The following IGSF11 variants were observed in gnomAD, a reference collection of about 807,000 sequenced individuals.
The protein encoded by IGSF11 is CXADR like 1.
A neutral mutation model predicts 41.0 loss-of-function variants in IGSF11; 22 were observed. The ratio of observed to expected loss-of-function variants is 0.54; its 90% CI spans 0.38 to 0.77. The LOEUF (loss-of-function observed/expected upper bound fraction) is 0.77, where lower values mean the gene tolerates loss of function less well. Among genes scored for constraint, IGSF11 ranks in the 30% least tolerant of loss-of-function variants. IGSF11 has a pLI of 0.00. For missense variants in IGSF11, 444 were observed against 530.8 expected (o/e 0.84, Z 1.61); for synonymous variants, 219 against 201.3 (o/e 1.09, Z -0.74).
intron 4 of IGSF11, among the ~76,000 whole-genome samples, chr3:118,920,116 G>T (rs1465204113): frequency 1.9e-3 from 224 of 120,460 alleles, no homozygotes; most frequent in Admixed American, 2.9e-3. Context: ...GTGGTGGGGT[G>T]GGGGGAGGGG....
intron 1 of IGSF11, among the ~76,000 whole-genome samples, chr3:119,055,685 A>T (rs1941804397): frequency 6.6e-6 from 1 of 152,164 alleles, no homozygotes; most frequent in East Asian, 1.9e-4. Flanking sequence ...TCAGCACCAC[A>T]CCACACTTAT....
chr3:119,031,186 G>A (rs1226126884), intron 1 of IGSF11, among the ~76,000 whole-genome samples: 7 of 152,146 alleles, frequency 4.6e-5, no homozygotes, highest in African/African-American at 1.7e-4. Context: ...GAACCCAGGA[G>A]TCGGGGATTG....
At chr3:119,089,259 A>C (rs1031710956) in intron 1 of IGSF11, among the ~76,000 whole-genome samples, 1 of 152,200 alleles carries the variant, frequency 6.6e-6, no homozygotes, top group Admixed American at 6.5e-5. Flanking sequence ...TTCCTGGGAT[A>C]GAAGGCTGGT....
intron 1 of IGSF11, among the ~76,000 whole-genome samples, chr3:118,953,780 C>T (rs1278426126): frequency 1.3e-5 from 2 of 152,048 alleles, no homozygotes; most frequent in East Asian, 3.9e-4. Flanking sequence ...TGTTTGAGTT[C>T]CTTGCAGATT....
At chr3:119,020,626 A>G (rs1939193892) in intron 1 of IGSF11, among the ~76,000 whole-genome samples, 1 of 152,220 alleles carries the variant, frequency 6.6e-6, no homozygotes, top group Non-Finnish European at 1.5e-5. Flanking sequence ...CTATCCTCAG[A>G]CGCCTGAAGC....
At chr3:118,954,443 C>T (rs1033771634) in intron 1 of IGSF11, among the ~76,000 whole-genome samples, 1 of 152,040 alleles carries the variant, frequency 6.6e-6, no homozygotes, top group Non-Finnish European at 1.5e-5. Flanking sequence ...CTATTTCCAA[C>T]ACATCTGCAG....
At chr3:119,109,628 C>T (rs144841163), upstream of IGSF11, among the ~76,000 whole-genome samples, 7,647 of 152,212 alleles carry the variant, frequency 0.05, 343 homozygotes, top group Admixed American at 0.15. Flanking sequence ...TTGCCTTCTG[C>T]TAGCTTTTGA....
At chr3:118,946,467 A>G (rs545397724) in intron 1 of IGSF11, among the ~76,000 whole-genome samples, 41 of 151,818 alleles carry the variant, frequency 2.7e-4, no homozygotes, top group Non-Finnish European at 4.9e-4. Flanking sequence ...AAGAAGAAGA[A>G]GAGGAGGAAA....
intron 1 of IGSF11, among the ~76,000 whole-genome samples, chr3:119,074,946 A>G (rs1047062243): frequency 2.0e-5 from 3 of 152,188 alleles, no homozygotes; most frequent in African/African-American, 7.2e-5. Context: ...AGAGCAAACC[A>G]ATACCAATGC....
At chr3:118,957,228 G>C (rs1945025694) in intron 1 of IGSF11, among the ~76,000 whole-genome samples, 1 of 152,100 alleles carries the variant, frequency 6.6e-6, no homozygotes, top group African/African-American at 2.4e-5. Flanking sequence ...GCTCTCAACT[G>C]ACTAGACGAT....
chr3:119,059,796 C>G (rs541158329), intron 1 of IGSF11, among the ~76,000 whole-genome samples: 132 of 152,184 alleles, frequency 8.7e-4, no homozygotes, highest in African/African-American at 3.0e-3. Context: ...TACCCTCTAG[C>G]AACCAGGAAG....
At chr3:119,133,968 T>C (rs1001992775) in intron 1 of IGSF11, among the ~76,000 whole-genome samples, 1 of 151,878 alleles carries the variant, frequency 6.6e-6, no homozygotes, top group African/African-American at 2.4e-5. Flanking sequence ...CAAAACCACA[T>C]GATTATCTCA....
intron 1 of IGSF11, among the ~76,000 whole-genome samples, chr3:119,057,415 G>C (rs1941887207): frequency 6.6e-6 from 1 of 152,026 alleles, no homozygotes; most frequent in African/African-American, 2.4e-5. Context: ...CAACTTACAA[G>C]GGATGTGAAG....
rs577823496 is a variant in IGSF11, at chr3:119,050,485, G to C, written c.49+54659C>G. On this transcript the variant is annotated intron_variant, in intron 1 of 6. Coordinates refer to the IGSF11 transcript ENST00000354673. ...CAGTTAGAATGGCGATCATTAAAAA[G>C]TCAGGAAACAACAGGTGCTGGAGAG... is the stretch of plus-strand genomic sequence containing the variant. 6.2e-3 allele frequency among the ~76,000 whole-genome samples: 936 copies of C among 152,022 alleles called. 9 individuals carry two copies. The highest frequency in any genetic ancestry group is 0.022 in the African/African-American group (916 of 41,496).
chr3:119,011,945 CTGTG>C (rs1553711932), intron 1 of IGSF11, among the ~76,000 whole-genome samples: 158 of 148,580 alleles, frequency 1.1e-3, no homozygotes, highest in Middle Eastern at 3.5e-3. Context: ...ATATAGTGTT[CTGTG>C]TGTGTGTGTG....
chr3:119,054,214 C>G (rs1299480021), intron 1 of IGSF11, among the ~76,000 whole-genome samples: 2 of 152,144 alleles, frequency 1.3e-5, no homozygotes, highest in Non-Finnish European at 2.9e-5. Flanking sequence ...AAATAATCAG[C>G]AGAGTAAACA....
intron 1 of IGSF11, among the ~76,000 whole-genome samples, chr3:119,006,647 G>A (rs200677880): frequency 0.049 from 6,068 of 124,458 alleles, 178 homozygotes; most frequent in East Asian, 0.078. Context: ...TTTTCGGTGT[G>A]GATGTCCTTT....
At chr3:119,110,393 T>A (rs7652664) in intron 1 of IGSF11, among the ~76,000 whole-genome samples, 7,347 of 152,252 alleles carry the variant, frequency 0.048, 224 homozygotes, top group South Asian at 0.094. Flanking sequence ...GTCTGTTTTA[T>A]CAGAGACTAG....
At chr3:118,922,255 C>CA (rs1262749619) in intron 4 of IGSF11, among the ~76,000 whole-genome samples, 2 of 152,082 alleles carry the variant, frequency 1.3e-5, no homozygotes, top group Non-Finnish European at 1.5e-5. Flanking sequence ...GTGCATTATG[C>CA]AATTGTTTTT....
Sources: gnomAD v4.1 joint callset for allele counts (sites outside exome capture counted in the v4.1 genomes callset) on GRCh38, gnomAD v4.1.1 for gene constraint, MANE v1.5 for transcripts, NCBI Gene and HGNC (gene_info 2026-07-23, HGNC 2026-07-21) for gene names.